Variants in SPAG16 observed in about 807,000 individuals in gnomAD.
SPAG16 encodes the protein sperm-associated antigen 16 protein.
Under a neutral mutation model 80.4 loss-of-function variants are expected in SPAG16, and 86 were observed. The ratio of observed to expected loss-of-function variants is 1.07; its 90% CI spans 0.90 to 1.28. The LOEUF (loss-of-function observed/expected upper bound fraction) is 1.28. Among genes scored for constraint, SPAG16 ranks in the 50% most tolerant of loss-of-function variants. The pLI is 0.00. For missense variants in SPAG16, 870 were observed against 765.3 expected (o/e 1.14, Z -1.61); for synonymous variants, 294 against 265.9 (o/e 1.11, Z -1.03).
chr2:213,370,731 C>T (rs1340901702), intron 8 of SPAG16, among the ~76,000 whole-genome samples: 1 of 152,102 alleles, frequency 6.6e-6, no homozygotes, highest in Admixed American at 6.6e-5. Context: ...CAGATAACTC[C>T]CTTATGAAAT....
chr2:214,216,596 A>G (rs1368906261), intron 15 of SPAG16, among the ~76,000 whole-genome samples: 3 of 152,250 alleles, frequency 2.0e-5, no homozygotes, highest in Non-Finnish European at 4.4e-5. Flanking sequence ...CTGGGATTAC[A>G]GGCGTGAGCC....
At chr2:214,195,348 A>G (rs1034843119) in intron 15 of SPAG16, among the ~76,000 whole-genome samples, 1 of 38,864 alleles carries the variant, frequency 2.6e-5, no homozygotes, top group Non-Finnish European at 5.6e-5. Flanking sequence ...TGAGAGATAT[A>G]TAGACTTGAC....
chr2:213,733,919 T>G (rs2067174020), intron 10 of SPAG16, among the ~76,000 whole-genome samples: 1 of 152,230 alleles, frequency 6.6e-6, no homozygotes, highest in Non-Finnish European at 1.5e-5. Flanking sequence ...TCCTTTATTC[T>G]GTTTTATAGC....
At chr2:213,346,220 CA>C (rs1344159472) in intron 6 of SPAG16, among the ~76,000 whole-genome samples, 3 of 152,102 alleles carry the variant, frequency 2.0e-5, no homozygotes, top group Non-Finnish European at 2.9e-5. Context: ...GTGATTTTTG[CA>C]CATTGATTTT....
At position 213,384,398 on chromosome 2, in the gene SPAG16, A is replaced by G. The variant is rs112523627; in HGVS notation, c.942+9279A>G. Among the ~76,000 whole-genome samples the G allele has an allele frequency of 7.6e-3, 1,151 of 152,288 alleles. 5 individuals are homozygous for G. The highest frequency in any genetic ancestry group is 0.013 in the Non-Finnish European group (895 of 68,008). ...ACCATCAGATGGGTTCATGGATTCC[A>G]TCTTACTGTGAGCCAGACCTGGGCA... On this transcript the variant is annotated intron_variant, in intron 9 of 15. Coordinates refer to ENST00000331683, the MANE Select transcript of SPAG16 (RefSeq NM_024532.5).
At chr2:213,877,788 T>C (rs748543170) in intron 11 of SPAG16, among the ~76,000 whole-genome samples, 1 of 152,200 alleles carries the variant, frequency 6.6e-6, no homozygotes, top group Non-Finnish European at 1.5e-5. Context: ...ATCTCATTTA[T>C]GAATCATGAC....
intron 12 of SPAG16, among the ~76,000 whole-genome samples, chr2:214,006,829 G>A (rs1162213733): frequency 6.6e-6 from 1 of 152,150 alleles, no homozygotes; most frequent in Non-Finnish European, 1.5e-5. Context: ...CTCACGAGCA[G>A]ATTTCTTACC....
chr2:213,408,375 GAAGA>G (rs1018784773), intron 9 of SPAG16, among the ~76,000 whole-genome samples: 2 of 152,180 alleles, frequency 1.3e-5, no homozygotes, highest in African/African-American at 4.8e-5. Flanking sequence ...TTTGCTAACA[GAAGA>G]AAGTAGAAAA....
intron 15 of SPAG16, among the ~76,000 whole-genome samples, chr2:214,326,129 A>G (rs1308034281): frequency 6.6e-6 from 1 of 152,172 alleles, no homozygotes; most frequent in African/African-American, 2.4e-5. Flanking sequence ...GCATCTTTTT[A>G]GATGTAGTTA....
intron 10 of SPAG16, among the ~76,000 whole-genome samples, chr2:213,494,199 C>T (rs1256045185): frequency 1.3e-5 from 2 of 152,162 alleles, no homozygotes; most frequent in African/African-American, 2.4e-5. Context: ...AACTTTATAG[C>T]TTCATCTTTT....
At chr2:213,991,859 G>GTTAGTTTATTTATTTATTTA (rs1553689431) in intron 12 of SPAG16, among the ~76,000 whole-genome samples, 2 of 144,982 alleles carry the variant, frequency 1.4e-5, no homozygotes, top group South Asian at 4.5e-4. Context: ...ACAATTGAGA[G>GTTAGTTTATTTATTTATTTA]TTTATTTATT....
chr2:213,380,344 C>T (rs2067106339), intron 9 of SPAG16, among the ~76,000 whole-genome samples: 1 of 152,182 alleles, frequency 6.6e-6, no homozygotes, highest in Non-Finnish European at 1.5e-5. Context: ...GAATCAGGCC[C>T]TAGTCTTCTC....
chr2:213,498,770 T>C (rs1245226642), intron 10 of SPAG16, among the ~76,000 whole-genome samples: 1 of 152,176 alleles, frequency 6.6e-6, no homozygotes, highest in African/African-American at 2.4e-5. Context: ...TCATCTAAGA[T>C]GACCTGTGAG....
At position 213,854,195 on chromosome 2, in the gene SPAG16, A is replaced by G. The variant is rs1274424699; in HGVS notation, c.1071-8290A>G. Among the ~76,000 whole-genome samples the G allele has an allele frequency of 2.6e-5, 4 of 152,222 alleles. No individual in the cohort carries two copies. In the South Asian group the frequency reaches 6.2e-4, roughly 24 times the overall value. The stretch of plus-strand genomic sequence containing the variant: ...CGATGTTTATCAAAACTAAGAGAAA[A>G]CATCGTTTAATTGTAAATATCTACA... On this transcript the variant is annotated intron_variant, in intron 10 of 15. Transcript: ENST00000331683.
At chr2:214,183,684 C>T (rs140515518) in intron 15 of SPAG16, among the ~76,000 whole-genome samples, 82 of 152,182 alleles carry the variant, frequency 5.4e-4, no homozygotes, top group Middle Eastern at 3.4e-3. Flanking sequence ...CCTATCACTC[C>T]TGTCTCATTT....
At chr2:213,745,573 T>C (rs1022201448) in intron 10 of SPAG16, among the ~76,000 whole-genome samples, 1 of 152,166 alleles carries the variant, frequency 6.6e-6, no homozygotes, top group South Asian at 2.1e-4. Context: ...AATATCATGA[T>C]TTTATATTTA....
intron 11 of SPAG16, among the ~76,000 whole-genome samples, chr2:213,908,746 T>TTC (rs759733657): frequency 6.6e-4 from 34 of 51,642 alleles, no homozygotes; most frequent in Non-Finnish European, 1.3e-3. Context: ...ACCAAGATCA[T>TTC]TCTTTTTTTT....
At chr2:213,735,547 T>G (rs2067243974) in intron 10 of SPAG16, among the ~76,000 whole-genome samples, 1 of 152,032 alleles carries the variant, frequency 6.6e-6, no homozygotes, top group African/African-American at 2.4e-5. Context: ...GCACTGGGAG[T>G]TGGTATCCAG....
chr2:214,261,280 C>T lies in SPAG16; in HGVS notation c.1720+112014C>T, dbSNP rs76614271. On this transcript the variant is annotated intron_variant, in intron 15 of 15. Transcript: ENST00000331683. ...CCCCTCCCACGATACCATCACATAC[C>T]GTTCACTCACACAGAGAGCTAGGCT... 5.2e-3 allele frequency among the ~76,000 whole-genome samples: 793 copies of T among 152,008 alleles called. 6 individuals carry two copies. The highest frequency in any genetic ancestry group is 0.018 in the African/African-American group (749 of 41,436).
Sources: allele counts gnomAD v4.1 joint callset (sites outside exome capture counted in the v4.1 genomes callset), GRCh38; gene constraint gnomAD v4.1.1; transcripts MANE v1.5; gene names NCBI Gene and HGNC (gene_info 2026-07-23, HGNC 2026-07-21).